Variants in CALCB observed in about 807,000 individuals in gnomAD.
CALCB encodes the protein calcitonin gene-related peptide 2.
A neutral mutation model predicts 10.7 loss-of-function variants in CALCB; 8 were observed. The observed-to-expected ratio is 0.75, with a 90% confidence interval of 0.44 to 1.34. The LOEUF is 1.34. CALCB is among the 40% of genes most tolerant of loss of function. The pLI is 0.01. For missense variants in CALCB, 176 were observed against 162.5 expected (o/e 1.08, Z -0.45); for synonymous variants, 76 against 66.9 (o/e 1.14, Z -0.66).
chr11:15,074,716 G>C lies in CALCB; in HGVS notation c.-3G>C, dbSNP rs1249437039. On this transcript the variant is annotated 5_prime_UTR_variant, in exon 2 of 5. Transcript: ENST00000324229. ...CGTCATCCTTCCTTTACAGAGAGGC[G>C]GCATGGGTTTCCGGAAGTTCTCCCC... 3 of 1,613,152 alleles carry C rather than the reference G, an allele frequency of 1.9e-6. No homozygotes were observed. Among genetic ancestry groups the C allele is most frequent in the Non-Finnish European group, 2.5e-6 (3 of 1,179,346 alleles).
chr11:15,074,651 G>A, intron 1 of CALCB, 59 bp from the exon 2 acceptor site: 1 of 1,338,786 alleles, frequency 7.5e-7, no homozygotes, highest in Non-Finnish European at 1.1e-6. Flanking sequence ...TTGTGGCAGA[G>A]GCAGGACTGG....
At chr11:15,074,315 T>C (rs1021345129) in intron 1 of CALCB, among the ~76,000 whole-genome samples, 4 of 152,198 alleles carry the variant, frequency 2.6e-5, no homozygotes, top group African/African-American at 9.6e-5. Context: ...TCCCCTCGCA[T>C]GCGTTGGCGC....
chr11:15,074,562 A>T, intron 1 of CALCB, 148 bp from the exon 2 acceptor site: 1 of 625,990 alleles, frequency 1.6e-6, no homozygotes, highest in South Asian at 2.0e-5. Context: ...GTCTCTTGAG[A>T]TTCACAGCAG....
At chr11:15,074,869 G>T in intron 2 of CALCB, 65 bp downstream of exon 2, 1 of 1,480,678 alleles carries the variant, frequency 6.8e-7, no homozygotes, top group Non-Finnish European at 9.3e-7. Context: ...ACAGCTCTGT[G>T]CCTCTGAAGT....
rs765460725 is a variant in CALCB at position 15,075,103 on chromosome 11, A to G, written c.129A>G (p.Lys43=). ...ESSPDPATLS[K]EDARLLLAAL... ...GCCCAGACCCGGCCACACTCAGTAAAGAGGACGCGCGCCTCCTGCTGGCTG... is the reference window on the plus strand; with the variant it reads ...GCCCAGACCCGGCCACACTCAGTAAGGAGGACGCGCGCCTCCTGCTGGCTG... The change falls in exon 3 of 5, where the codon AAA becomes AAG. Residue 43 remains lysine (K), a synonymous_variant. Transcript: ENST00000324229. The G allele has an allele frequency of 1.2e-5, 20 of 1,614,098 alleles. No individual in the cohort carries two copies. The highest frequency in any genetic ancestry group is 1.6e-5 in the Non-Finnish European group (19 of 1,180,036).
intron 3 of CALCB, among the ~76,000 whole-genome samples, chr11:15,076,686 G>C (rs957837209): frequency 6.6e-5 from 10 of 152,218 alleles, no homozygotes; most frequent in Admixed American, 6.5e-4. Flanking sequence ...TTTTCTAAAA[G>C]GAACTGAGCT....
At position 15,074,813 on chromosome 11, in the gene CALCB, G is replaced by T; in HGVS notation, c.86+9G>T. On this transcript the variant is annotated intron_variant, in intron 2 of 4. Coordinates refer to ENST00000324229, the MANE Select transcript of CALCB (RefSeq NM_000728.4). ...CAGGCGGCGCCATTCAGGTGAGACA[G>T]CCTGGAGCCAGAGGCGCCTTCTGCT... 1 of 1,610,372 alleles carries T rather than the reference G, an allele frequency of 6.2e-7. No homozygotes were observed. Among genetic ancestry groups the T allele is most frequent in the Non-Finnish European group, 8.5e-7 (1 of 1,178,172 alleles).
At chr11:15,076,396 TCTTGCTCCA>T (rs1191164813) in intron 3 of CALCB, among the ~76,000 whole-genome samples, 1 of 152,180 alleles carries the variant, frequency 6.6e-6, no homozygotes, top group Non-Finnish European at 1.5e-5. Flanking sequence ...TGATTCCCCT[TCTTGCTCCA>T]CTTTATGAAC....
intron 3 of CALCB, among the ~76,000 whole-genome samples, chr11:15,075,442 T>G (rs904974069): frequency 5.3e-5 from 8 of 152,156 alleles, no homozygotes; most frequent in African/African-American, 1.9e-4. Context: ...TGTAGAAGCT[T>G]TTTCTAGACA....
intron 3 of CALCB, among the ~76,000 whole-genome samples, chr11:15,076,518 G>A (rs1479748193): frequency 6.6e-6 from 1 of 152,326 alleles, no homozygotes; most frequent in Non-Finnish European, 1.5e-5. Flanking sequence ...AGGGAAGACA[G>A]CAGGACTTAC....
intron 3 of CALCB, among the ~76,000 whole-genome samples, chr11:15,076,060 C>A (rs903938511): frequency 2.0e-5 from 3 of 152,134 alleles, no homozygotes; most frequent in Non-Finnish European, 4.4e-5. Context: ...TCCTGCCTGC[C>A]CCACCTGCTC....
chr11:15,075,951 A>G (rs1472319583), intron 3 of CALCB, among the ~76,000 whole-genome samples: 1 of 152,076 alleles, frequency 6.6e-6, no homozygotes, highest in East Asian at 1.9e-4. Context: ...CATCATGGGA[A>G]TACCAGAAAA....
At position 15,078,385 on chromosome 11, in the gene CALCB, G is replaced by T. The variant is rs998802481; in HGVS notation, c.*328G>T. The T allele has an allele frequency of 6.6e-6, 1 of 152,180 alleles. No homozygotes were observed. The highest frequency in any genetic ancestry group is 1.9e-4 in the East Asian group (1 of 5,200). The allele number at this position is 152,180 out of a possible 1,614,324, so 9.4% of individuals were successfully genotyped here. On this transcript the variant is annotated 3_prime_UTR_variant, in exon 5 of 5. Coordinates refer to ENST00000324229, the MANE Select transcript of CALCB (RefSeq NM_000728.4). Reference sequence around the variant, plus strand: ...CAGCTCCACCAAACCTTAGGGGGACGTGAAATCACTGCCTGTTGTGGTCTC... The same window carrying T: ...CAGCTCCACCAAACCTTAGGGGGACTTGAAATCACTGCCTGTTGTGGTCTC...
At chr11:15,076,241 C>A (rs1228049916) in intron 3 of CALCB, among the ~76,000 whole-genome samples, 1 of 152,174 alleles carries the variant, frequency 6.6e-6, no homozygotes, top group African/African-American at 2.4e-5. Context: ...ACTTGCAGTA[C>A]CTGAAAAACT....
chr11:15,074,722 G>A lies in CALCB; in HGVS notation c.4G>A (p.Gly2Ser), dbSNP rs1850377600. 3.1e-6 allele frequency: 5 copies of A among 1,613,702 alleles called. No individual in the cohort carries two copies. The East Asian group carries it at 1.1e-4, about 36-fold the overall frequency. The change falls in exon 2 of 5, where the codon GGT becomes AGT. Residue 2 changes from glycine (G) to serine (S), a missense_variant. Transcript: ENST00000324229. M[G>S]FRKFSPFLAL... ...CCTTCCTTTACAGAGAGGCGGCATG[G>A]GTTTCCGGAAGTTCTCCCCCTTCCT... is the stretch of plus-strand genomic sequence containing the variant.
intron 3 of CALCB, among the ~76,000 whole-genome samples, chr11:15,076,161 C>T (rs2133641324): frequency 6.6e-6 from 1 of 152,288 alleles, no homozygotes; most frequent in Non-Finnish European, 1.5e-5. Flanking sequence ...GCATGTCCTT[C>T]CCTTGCAGCT....
Position 15,077,408 on chromosome 11 carries a change from A to C in CALCB, c.347A>C (p.Lys116Thr), listed in dbSNP as rs769733026. The change falls in exon 4 of 5, where the codon AAA becomes ACA. Residue 116 changes from lysine to threonine, a missense_variant. Transcript: ENST00000324229. ...SNFVPTNVGS[K>T]AFGRRRRDLQ... The stretch of plus-strand genomic sequence containing the variant: ...TTCGTGCCCACCAATGTGGGTTCCA[A>C]AGCCTTTGGCAGGCGCCGCAGGGAC... 3 of 1,614,240 alleles carry C rather than the reference A, an allele frequency of 1.9e-6. No homozygotes were observed. In the East Asian group the frequency reaches 6.7e-5, roughly 36 times the overall value.
At chr11:15,077,646 T>C (rs1350732134) in intron 4 of CALCB, among the ~76,000 whole-genome samples, 176 bp downstream of exon 4, 2 of 152,256 alleles carry the variant, frequency 1.3e-5, no homozygotes, top group African/African-American at 4.8e-5. Context: ...ACATCAGAGA[T>C]GTAGTGTCAT....
intron 4 of CALCB, 97 bp from the exon 5 acceptor site, chr11:15,077,986 C>CT (rs1160611090): frequency 6.6e-6 from 1 of 152,154 alleles, no homozygotes; most frequent in Non-Finnish European, 1.5e-5. Flanking sequence ...TCTTCTACTT[C>CT]TTTTTTTCTC....
Sources: allele counts gnomAD v4.1 joint callset (sites outside exome capture counted in the v4.1 genomes callset), GRCh38; gene constraint gnomAD v4.1.1; transcripts MANE v1.5; gene names NCBI Gene and HGNC (gene_info 2026-07-23, HGNC 2026-07-21).